SERINC3: variants seen among roughly 807,000 people sequenced by gnomAD.
SERINC3 encodes the protein serine incorporator 3.
SERINC3 carries 22 observed loss-of-function variants against 52.1 expected under a neutral mutation model. The observed-to-expected ratio is 0.42, with a 90% CI of 0.30 to 0.60. The LOEUF (loss-of-function observed/expected upper bound fraction) is 0.60. SERINC3 is among the 20% of genes least tolerant of loss of function. The pLI is 0.16. For missense variants in SERINC3, 564 were observed against 584.6 expected, an observed-to-expected ratio of 0.96 and a Z score of 0.36; for synonymous variants, 226 against 212.7, an observed-to-expected ratio of 1.06 and a Z score of -0.54.
chr20:44,509,491 C>T (rs902968930), intron 5 of SERINC3, among the ~76,000 whole-genome samples: 2 of 152,084 alleles, frequency 1.3e-5, no homozygotes, highest in African/African-American at 4.8e-5. Flanking sequence ...AATTCAGAGC[C>T]AAATTCTGGA....
At chr20:44,507,800 T>G (rs902529502) in intron 5 of SERINC3, among the ~76,000 whole-genome samples, 2 of 152,204 alleles carry the variant, frequency 1.3e-5, no homozygotes, top group South Asian at 2.1e-4. Flanking sequence ...GCCCAAGACA[T>G]AGAGGTTGCA....
intron 2 of SERINC3, among the ~76,000 whole-genome samples, chr20:44,513,553 T>G (rs190826555): frequency 3.3e-5 from 5 of 152,282 alleles, no homozygotes; most frequent in Admixed American, 1.3e-4. Flanking sequence ...TCCTGTGAGA[T>G]TTTCCAGCTA....
intron 9 of SERINC3, 58 bp from the exon 10 acceptor site, chr20:44,500,492 C>T: frequency 6.5e-7 from 1 of 1,544,044 alleles, no homozygotes; most frequent in South Asian, 1.2e-5. Flanking sequence ...TTCTATCAGC[C>T]TCCTGCAGCC....
intron 5 of SERINC3, among the ~76,000 whole-genome samples, chr20:44,508,290 T>A (rs2064327234): frequency 6.6e-6 from 1 of 152,024 alleles, no homozygotes; most frequent in South Asian, 2.1e-4. Flanking sequence ...TCCGGCAACA[T>A]GGCAAAACCC....
chr20:44,499,707 A>C lies in SERINC3; in HGVS notation c.*589T>G, dbSNP rs1243314546. On this transcript the variant is annotated 3_prime_UTR_variant, in exon 10 of 10. Coordinates refer to ENST00000342374, the MANE Select transcript of SERINC3 (RefSeq NM_006811.4). ...GCAGTCTCAATGCTACAGTGTAAAA[A>C]AAGTAAATTAAAAAACTCAAGATGT... 1.3e-4 allele frequency: 20 copies of C among 152,368 alleles called. 1 individual carries two copies. The highest frequency in any genetic ancestry group is 2.9e-4 in the Non-Finnish European group (20 of 68,048). 9.4% of individuals were successfully genotyped at this position (152,368 alleles called of 1,614,324 possible).
In SERINC3 at chr20:44,512,943, C is replaced by A. The variant is rs747917967; in HGVS notation, c.253G>T (p.Ala85Ser). ...ACCAGCACATCACAATCTTTATCTG[C>A]ATTTATATCAGCCTCATGGATTTTA... The part of the protein sequence containing the change: ...GFKIHEADIN[A>S]DKDCDVLVGY... Residue 85 changes from alanine to serine, a missense_variant, in exon 3 of 10, where the codon GCA becomes TCA. By Grantham distance (99) the Ala-to-Ser change is moderately conservative. Coordinates refer to ENST00000342374, the MANE Select transcript of SERINC3 (RefSeq NM_006811.4). 8.5e-6 allele frequency: 13 copies of A among 1,534,872 alleles called. No individual in the cohort carries two copies. In the Admixed American group the frequency reaches 3.2e-4, roughly 38 times the overall value.
At position 44,504,853 on chromosome 20, in the gene SERINC3, G is replaced by A; in HGVS notation, c.822C>T (p.Leu274=). ...TGAGGTACATAGTGTAGAGGGTGATGAGGGAGGACTGCAAGAGGCCGGAGC... is the reference window on the plus strand; with the variant it reads ...TGAGGTACATAGTGTAGAGGGTGATAAGGGAGGACTGCAAGAGGCCGGAGC... ...QPRSGLLQSS[L]ITLYTMYLTW... is the part of the protein sequence containing the mutation. The change falls in exon 7 of 10, where the codon CTC becomes CTT. Residue 274 remains leucine (L), a synonymous_variant. Transcript: ENST00000342374. 1 of 1,613,578 alleles carries A rather than the reference G, an allele frequency of 6.2e-7. No individual in the cohort carries two copies. Among genetic ancestry groups the A allele is most frequent in the Non-Finnish European group, 8.5e-7 (1 of 1,179,548 alleles).
intron 1 of SERINC3, among the ~76,000 whole-genome samples, chr20:44,519,798 A>G (rs908532528): frequency 1.3e-5 from 2 of 152,166 alleles, no homozygotes; most frequent in African/African-American, 2.4e-5. Flanking sequence ...TCCAAAAAAA[A>G]AAAAGAAAAA....
intron 3 of SERINC3, among the ~76,000 whole-genome samples, chr20:44,511,976 T>C (rs1388663879): frequency 6.6e-6 from 1 of 152,160 alleles, no homozygotes; most frequent in Non-Finnish European, 1.5e-5. Context: ...AAAAGGGGAT[T>C]ATAATACACA....
intron 8 of SERINC3, 78 bp from the exon 9 acceptor site, chr20:44,501,378 C>T: frequency 3.5e-6 from 4 of 1,153,098 alleles, no homozygotes; most frequent in East Asian, 2.3e-5. Context: ...GTATACAAGA[C>T]ACTTACTGCT....
Position 44,501,299 on chromosome 20 carries a change from T to A in SERINC3, c.1057A>T (p.Ile353Phe), listed in dbSNP as rs1394759528. Residue 353 changes from isoleucine to phenylalanine, a missense_variant and splice_region_variant, in exon 9 of 10, where the codon ATC becomes TTC. Transcript: ENST00000342374. ...VFVLCLLYSS[I>F]RTSTNSQVDK... is the part of the protein sequence containing the mutation. ...ACTTGGCTATTAGTGGAAGTGCGGA[T>A]GCTGGAAAGTGATCCCAAGGAAGAC... The A allele has an allele frequency of 1.9e-6, 3 of 1,613,514 alleles. No individual in the cohort carries two copies. The highest frequency in any genetic ancestry group is 1.7e-5 in the Admixed American group (1 of 60,006).
intron 1 of SERINC3, among the ~76,000 whole-genome samples, chr20:44,516,762 A>G (rs2064383404): frequency 6.6e-6 from 1 of 152,150 alleles, no homozygotes; most frequent in African/African-American, 2.4e-5. Context: ...TTGTGTGATC[A>G]CAGCTCACTG....
rs889515176 is a variant in SERINC3, at chr20:44,498,245, C to T, written c.*2051G>A. On this transcript the variant is annotated 3_prime_UTR_variant, in exon 10 of 10. Transcript: ENST00000342374. Reference sequence around the variant, plus strand: ...AAACCAGAATCACTCAGAAATCTACCTCTCCTTCATATTATTCATAACTGC... The same window carrying T: ...AAACCAGAATCACTCAGAAATCTACTTCTCCTTCATATTATTCATAACTGC... 2.0e-5 allele frequency: 3 copies of T among 152,118 alleles called. No individual in the cohort carries two copies. The highest frequency in any genetic ancestry group is 7.2e-5 in the African/African-American group (3 of 41,400). 9.4% of individuals were successfully genotyped at this position (152,118 alleles called of 1,614,324 possible).
In SERINC3 at chr20:44,498,210, C is replaced by T. The variant is rs918509638; in HGVS notation, c.*2086G>A. ...CTGAATACGTGGAACCACCATCCACCCAGCTGGTTAAACCAGAATCACTCA... is the reference window on the plus strand; with the variant it reads ...CTGAATACGTGGAACCACCATCCACTCAGCTGGTTAAACCAGAATCACTCA... On this transcript the variant is annotated 3_prime_UTR_variant, in exon 10 of 10. Transcript: ENST00000342374. 6.6e-6 allele frequency: 1 copy of T among 152,172 alleles called. No homozygotes were observed. Among genetic ancestry groups the T allele is most frequent in the African/African-American group, 2.4e-5 (1 of 41,420 alleles). 9.4% of individuals were successfully genotyped at this position (152,172 alleles called of 1,614,324 possible).
At chr20:44,505,750 G>A (rs563986192) in intron 6 of SERINC3, among the ~76,000 whole-genome samples, 34 of 151,734 alleles carry the variant, frequency 2.2e-4, no homozygotes, top group Admixed American at 9.8e-4. Context: ...ACAGGTGTGC[G>A]CCCCCACGCC....
intron 6 of SERINC3, among the ~76,000 whole-genome samples, chr20:44,506,072 G>A (rs920003029): frequency 3.3e-5 from 5 of 151,796 alleles, no homozygotes; most frequent in East Asian, 2.0e-4. Flanking sequence ...AGGCTGAGAT[G>A]GGTGGATCAC....
Position 44,506,845 on chromosome 20 carries a change from C to T in SERINC3, c.765G>A (p.Ser255=), listed in dbSNP as rs771800103. ...LILCVVASII[S]IHPKIQEHQP... is the part of the protein sequence containing the mutation. Reference sequence around the variant, plus strand: ...ATCATACCTGAATTTTTGGGTGGATCGATATAATAGAAGCCACAACGCAAA... The same window carrying T: ...ATCATACCTGAATTTTTGGGTGGATTGATATAATAGAAGCCACAACGCAAA... The change falls in exon 6 of 10, where the codon TCG becomes TCA. Residue 255 remains serine, a synonymous_variant. Transcript: ENST00000342374. The T allele has an allele frequency of 2.6e-6, 4 of 1,568,522 alleles. No homozygotes were observed. Among genetic ancestry groups the T allele is most frequent in the Non-Finnish European group, 2.6e-6 (3 of 1,160,984 alleles).
chr20:44,511,825 A>C (rs2064349415), intron 3 of SERINC3, among the ~76,000 whole-genome samples: 1 of 152,212 alleles, frequency 6.6e-6, no homozygotes, highest in Admixed American at 6.5e-5. Flanking sequence ...ATCTTTAATG[A>C]CTGCCTTGTA....
At chr20:44,508,264 G>A (rs1600813227) in intron 5 of SERINC3, among the ~76,000 whole-genome samples, 2 of 152,214 alleles carry the variant, frequency 1.3e-5, no homozygotes, top group South Asian at 2.1e-4. Context: ...CAGGTGGATC[G>A]ATTGAGTCCA....
Sources: allele counts gnomAD v4.1 joint callset (sites outside exome capture counted in the v4.1 genomes callset), GRCh38; gene constraint gnomAD v4.1.1; transcripts MANE v1.5; gene names NCBI Gene and HGNC (gene_info 2026-07-23, HGNC 2026-07-21).